Variants in DENND2D observed in about 807,000 individuals in gnomAD.
DENND2D encodes the protein DENN domain-containing protein 2D.
In DENND2D, 37 loss-of-function variants were observed where a neutral mutation model predicts 59.8. The ratio of observed to expected loss-of-function variants is 0.62; its 90% CI spans 0.48 to 0.81. The LOEUF (loss-of-function observed/expected upper bound fraction) is 0.81, where lower values mean the gene tolerates loss of function less well. DENND2D is among the 40% of genes least tolerant of loss of function. DENND2D has a pLI of 0.00. For synonymous variants in DENND2D, 219 were observed against 211.3 expected, an observed-to-expected ratio of 1.04 and a Z score of -0.31; for missense variants, 525 against 579.7, an observed-to-expected ratio of 0.91 and a Z score of 0.97.
rs200618916 is a variant in DENND2D, at chr1:111,194,559, G to A, written c.794+19C>T. 27 of 1,612,966 alleles carry A rather than the reference G, an allele frequency of 1.7e-5. No homozygotes were observed. The highest frequency in any genetic ancestry group is 1.5e-4 in the South Asian group (14 of 91,020). ...GGATGCTGGGCAGTTCAGGTGAGCC[G>A]TCCAGGGGCTGGGCCCACCTGAGAC... On this transcript the variant is annotated intron_variant, in intron 7 of 11. Transcript: ENST00000357640.
intron 2 of DENND2D, among the ~76,000 whole-genome samples, chr1:111,199,115 C>T (rs112238544): frequency 6.6e-6 from 1 of 152,228 alleles, no homozygotes; most frequent in South Asian, 2.1e-4. Flanking sequence ...AAGCGGCCAG[C>T]TCAGTTGGCA....
At chr1:111,202,805 G>A (rs1658941693), upstream of DENND2D, among the ~76,000 whole-genome samples, 1 of 152,118 alleles carries the variant, frequency 6.6e-6, no homozygotes, top group Non-Finnish European at 1.5e-5. Flanking sequence ...GTGGAGGATG[G>A]TATGGAAGAT....
chr1:111,202,632 C>T (rs1219187682), upstream of DENND2D, among the ~76,000 whole-genome samples: 3 of 151,690 alleles, frequency 2.0e-5, no homozygotes. Flanking sequence ...GAAGCTGGCC[C>T]ATCCCTTCCA....
At chr1:111,197,077 A>T in intron 5 of DENND2D, 99 bp downstream of exon 5, 1 of 1,335,322 alleles carries the variant, frequency 7.5e-7, no homozygotes, top group Non-Finnish European at 1.0e-6. Flanking sequence ...GACTCTGGCT[A>T]TGGGAGAAGA....
chr1:111,189,126 G>C, intron 9 of DENND2D, 86 bp downstream of exon 9: 1 of 1,471,616 alleles, frequency 6.8e-7, no homozygotes, highest in Non-Finnish European at 9.5e-7. Flanking sequence ...GAACTTAAAT[G>C]TTTGTTTAAA....
At chr1:111,203,119 G>A (rs1400732344), upstream of DENND2D, among the ~76,000 whole-genome samples, 1 of 152,200 alleles carries the variant, frequency 6.6e-6, no homozygotes, top group Non-Finnish European at 1.5e-5. Context: ...CCCAAACTGT[G>A]GTCTCTGACC....
In DENND2D at chr1:111,186,623, T is replaced by C. The variant is rs1291983437; in HGVS notation, c.*982A>G. 6.6e-5 allele frequency among the ~76,000 whole-genome samples: 10 copies of C among 152,324 alleles called. No homozygotes were observed. The highest frequency in any genetic ancestry group is 1.5e-4 in the Non-Finnish European group (10 of 68,026). Reference sequence around the variant, plus strand: ...AAGGGAGGAGAGACTAGGTGACCACTAAACTCCTTCAGACTCTTAAAATTA... The same window carrying C: ...AAGGGAGGAGAGACTAGGTGACCACCAAACTCCTTCAGACTCTTAAAATTA... On this transcript the variant is annotated 3_prime_UTR_variant, in exon 12 of 12. Coordinates refer to ENST00000357640, the MANE Select transcript of DENND2D (RefSeq NM_024901.5).
intron 8 of DENND2D, among the ~76,000 whole-genome samples, chr1:111,189,529 G>A (rs1323480488): frequency 1.3e-5 from 2 of 152,166 alleles, no homozygotes; most frequent in Non-Finnish European, 2.9e-5. Context: ...AGAAATCACA[G>A]CCAGTCACTC....
At chr1:111,195,518 C>T (rs528067316) in intron 6 of DENND2D, 105 of 202,758 alleles carry the variant, frequency 5.2e-4, no homozygotes, top group African/African-American at 2.3e-3. Context: ...GGTGGAGACT[C>T]GGAGGTGGGG....
At chr1:111,197,405 A>G in intron 4 of DENND2D, 152 bp from the exon 5 acceptor site, 1 of 1,456,868 alleles carries the variant, frequency 6.9e-7, no homozygotes, top group East Asian at 2.5e-5. Flanking sequence ...CACCAGCATC[A>G]AAAGAAGAAA....
chr1:111,188,901 C>G, intron 9 of DENND2D, 115 bp from the exon 10 acceptor site: 1 of 873,040 alleles, frequency 1.1e-6, no homozygotes, highest in Non-Finnish European at 1.9e-6. Context: ...CCGCAAATAG[C>G]CACATAGGAC....
chr1:111,198,064 G>A, intron 3 of DENND2D, 75 bp from the exon 4 acceptor site: 1 of 1,481,904 alleles, frequency 6.7e-7, no homozygotes, highest in African/African-American at 1.4e-5. Context: ...AGCACTAGAG[G>A]GTGGAGAGGA....
chr1:111,200,095 G>A, intron 1 of DENND2D: 1 of 554,620 alleles, frequency 1.8e-6, no homozygotes, highest in South Asian at 2.3e-5. Flanking sequence ...GTACCACAGA[G>A]ACTGCCTAAC....
At chr1:111,188,572 G>C in intron 10 of DENND2D, 130 bp downstream of exon 10, 2 of 1,176,290 alleles carry the variant, frequency 1.7e-6, no homozygotes, top group East Asian at 4.7e-5. Flanking sequence ...ATTCAGACTT[G>C]CCCTAGGTTC....
intron 9 of DENND2D, among the ~76,000 whole-genome samples, 181 bp downstream of exon 9, chr1:111,189,015 GCACTATCACTGATTGT>G (rs1657479341): frequency 6.6e-6 from 1 of 152,012 alleles, no homozygotes; most frequent in African/African-American, 2.4e-5. Flanking sequence ...TGCTTAAAAG[GCACTATCACTGATTGT>G]CTTATAGTGA....
rs1449417025 is a variant in DENND2D, at chr1:111,200,211, C to A, written c.67+182G>T. ...GGGCATGTGACTGTGACCACACTAG[C>A]CCCAGAGAGGGCATGACCAGCTCTT... On this transcript the variant is annotated intron_variant, in intron 1 of 11. Transcript: ENST00000357640. 4.1e-6 allele frequency: 3 copies of A among 731,036 alleles called. No individual in the cohort carries two copies. The East Asian group carries it at 8.4e-5, about 21-fold the overall frequency. The allele number at this position is 731,036 out of a possible 1,614,324, so 45.3% of individuals were successfully genotyped here.
In DENND2D at chr1:111,197,173, T is replaced by C. The variant is rs1658318949; in HGVS notation, c.504+3A>G. On this transcript the variant is annotated splice_donor_region_variant and intron_variant, in intron 5 of 11. Transcript: ENST00000357640. ...GGCAGGCCCTGAGGAATCCTATCCCTACCTTGGAGAACAAGCCGAAGCAGC... is the reference window on the plus strand; with the variant it reads ...GGCAGGCCCTGAGGAATCCTATCCCCACCTTGGAGAACAAGCCGAAGCAGC... 2 of 1,612,808 alleles carry C rather than the reference T, an allele frequency of 1.2e-6. No individual in the cohort carries two copies. Among genetic ancestry groups the C allele is most frequent in the South Asian group, 1.1e-5 (1 of 90,686 alleles).
chr1:111,187,851 AAG>A (rs1158780748), intron 11 of DENND2D, among the ~76,000 whole-genome samples, 170 bp from the exon 12 acceptor site: 1 of 152,182 alleles, frequency 6.6e-6, no homozygotes, highest in Non-Finnish European at 1.5e-5. Context: ...TTTGTCCAAA[AAG>A]GAGCCCATAA....
Position 111,189,315 on chromosome 1 carries a change from A to C in DENND2D, c.973-62T>G, listed in dbSNP as rs1448631028. 3.8e-6 allele frequency: 6 copies of C among 1,587,914 alleles called. No homozygotes were observed. The East Asian group carries it at 1.3e-4, about 35-fold the overall frequency. ...TTCTTCATAGACCCCCAGAGGATTT[A>C]CCGTCTTGATTTCTGCCTGTGGCTG... On this transcript the variant is annotated intron_variant, in intron 8 of 11. Coordinates refer to ENST00000357640, the MANE Select transcript of DENND2D (RefSeq NM_024901.5).
Sources: gnomAD v4.1 joint callset for allele counts (sites outside exome capture counted in the v4.1 genomes callset) on GRCh38, gnomAD v4.1.1 for gene constraint, MANE v1.5 for transcripts, NCBI Gene and HGNC (gene_info 2026-07-23, HGNC 2026-07-21) for gene names.